Variants in RBBP7 observed in about 807,000 individuals in gnomAD.
The protein encoded by RBBP7 is RB binding protein 7, chromatin remodeling factor.
RBBP7 carries 5 observed loss-of-function variants against 35.2 expected under a neutral mutation model. That is an observed-to-expected ratio of 0.14 (90% CI 0.07 to 0.30). The LOEUF (loss-of-function observed/expected upper bound fraction) is 0.30. Ranked by LOEUF, RBBP7 falls within the 10% of genes least tolerant of loss-of-function variation. The pLI, the probability that RBBP7 is intolerant of heterozygous loss-of-function variation, is 1.00. For synonymous variants in RBBP7, 140 were observed against 118.7 expected (o/e 1.18, Z -1.17); for missense variants, 155 against 327.5 (o/e 0.47, Z 4.07).
At position 16,870,246 on chromosome X, in the gene RBBP7, G is replaced by T. The variant is rs1022333695; in HGVS notation, c.-193C>A. 6 of 552,076 alleles carry T rather than the reference G, an allele frequency of 1.1e-5. No homozygotes were observed. The Admixed American group carries it at 4.6e-4, about 43-fold the overall frequency. 45.5% of individuals were successfully genotyped at this position (552,076 alleles called of 1,213,427 possible). A position where few individuals can be genotyped will look rare whatever the true frequency, so the allele number is the denominator to read the frequency against. The stretch of plus-strand genomic sequence containing the variant: ...TTTCCTGCCTCCTCCCCGCTCGCGG[G>T]TACCGAGGTCTGAGGCGCTCTTCTC... On this transcript the variant is annotated 5_prime_UTR_variant, in exon 1 of 12. Transcript: ENST00000380087.
intron 6 of RBBP7, 131 bp from the exon 7 acceptor site, chrX:16,853,006 C>G: frequency 9.5e-7 from 1 of 1,048,724 alleles, no homozygotes. Context: ...AACCACACAG[C>G]TGGTGATTCA....
chrX:16,863,087 C>T lies in RBBP7; in HGVS notation c.175G>A (p.Asp59Asn). 3.3e-6 allele frequency: 4 copies of T among 1,209,557 alleles called. No individual in the cohort carries two copies. Among genetic ancestry groups the T allele is most frequent in the Non-Finnish European group, 4.5e-6 (4 of 893,918 alleles). The change falls in exon 3 of 12, where the codon GAT (aspartate) becomes AAT (asparagine). Residue 59 changes from aspartate (D) to asparagine (N), a missense_variant. By Grantham distance (23) the Asp-to-Asn change is conservative. Coordinates refer to ENST00000380087, the MANE Select transcript of RBBP7 (RefSeq NM_002893.4). ...AGCACTAGCCAATGAAGGGCATAAT[C>T]TTTTCCTTCAGGTCTGTTTAAGAAA... Reference protein sequence around the residue: ...LPEVTKPEGKDYALHWLVLGT... With the variant: ...LPEVTKPEGKNYALHWLVLGT...
intron 2 of RBBP7, among the ~76,000 whole-genome samples, chrX:16,864,638 TAGGTGGTCTTTATATGTATGTAGGGGGCA>T (rs2147527539): frequency 9.1e-6 from 1 of 110,353 alleles, no homozygotes; most frequent in Admixed American, 9.6e-5. Flanking sequence ...AATTCCATCT[TAGGTGGTCTTTATATGTATGTAGGGGGCA>T]ATGCACATGA....
chrX:16,866,019 T>C (rs1453891270), intron 2 of RBBP7, among the ~76,000 whole-genome samples: 1 of 111,770 alleles, frequency 8.9e-6, no homozygotes, highest in East Asian at 2.8e-4. Context: ...AAGGATGGGT[T>C]AGGAAATTGA....
intron 2 of RBBP7, 76 bp downstream of exon 2, chrX:16,869,000 G>A (rs1015287326): frequency 1.5e-5 from 16 of 1,075,115 alleles, no homozygotes; most frequent in Admixed American, 1.4e-4. Flanking sequence ...TATGTTCTAT[G>A]CATAAAACGC....
Position 16,845,930 on chromosome X carries a change from A to G in RBBP7, c.1107T>C (p.His369=). 8.3e-7 allele frequency: 1 copy of G among 1,208,828 alleles called. No homozygotes were observed. Among genetic ancestry groups the G allele is most frequent in the Admixed American group, 2.2e-5 (1 of 45,455 alleles). The part of the protein sequence containing the change: ...EDGPPELLFI[H]GGHTAKISDF... Reference sequence around the variant, plus strand: ...CTGAAATCTTAGCAGTGTGTCCTCCATGAATAAACTGTTACAAGAACAAAA... The same window carrying G: ...CTGAAATCTTAGCAGTGTGTCCTCCGTGAATAAACTGTTACAAGAACAAAA... The change falls in exon 11 of 12, where the codon CAT becomes CAC. Residue 369 remains histidine (H), a synonymous_variant. Transcript: ENST00000380087.
At chrX:16,857,821 C>T (rs1216922005) in intron 4 of RBBP7, 112 bp from the exon 5 acceptor site, 2 of 1,046,757 alleles carry the variant, frequency 1.9e-6, no homozygotes, top group East Asian at 6.9e-5. Context: ...CGAACGAGAT[C>T]TGGTCTTTAA....
intron 3 of RBBP7, among the ~76,000 whole-genome samples, chrX:16,859,907 G>C (rs184831538): frequency 1.3e-3 from 150 of 111,182 alleles, no homozygotes; most frequent in African/African-American, 3.5e-3. Flanking sequence ...CTTAATATCA[G>C]TATCTAGCCG....
intron 2 of RBBP7, 41 bp from the exon 3 acceptor site, chrX:16,863,141 A>G: frequency 8.7e-7 from 1 of 1,147,608 alleles, no homozygotes; most frequent in South Asian, 1.9e-5. Flanking sequence ...TCCTACAAGA[A>G]ATCTCCAATT....
intron 10 of RBBP7, chrX:16,847,261 A>G (rs1930103007): frequency 9.0e-6 from 1 of 110,783 alleles, no homozygotes; most frequent in Non-Finnish European, 1.9e-5. Context: ...TCACGAGGTC[A>G]AGAGATCAAG....
At chrX:16,862,345 A>T (rs1930497678) in intron 3 of RBBP7, among the ~76,000 whole-genome samples, 1 of 111,449 alleles carries the variant, frequency 9.0e-6, no homozygotes, top group African/African-American at 3.3e-5. Flanking sequence ...AATTAAAAAA[A>T]GAAAAAAGCA....
intron 11 of RBBP7, 85 bp downstream of exon 11, chrX:16,845,743 A>T: frequency 8.9e-7 from 1 of 1,119,083 alleles, no homozygotes; most frequent in South Asian, 2.4e-5. Context: ...ATGCACCTAC[A>T]TATTCGAAAT....
At chrX:16,856,650 A>G (rs1930361767) in intron 5 of RBBP7, among the ~76,000 whole-genome samples, 1 of 111,956 alleles carries the variant, frequency 8.9e-6, no homozygotes, top group African/African-American at 3.2e-5. Flanking sequence ...GGATAGCTAT[A>G]ATAAAAAAGA....
intron 9 of RBBP7, 127 bp downstream of exon 9, chrX:16,851,919 G>T: frequency 2.0e-6 from 1 of 498,142 alleles, no homozygotes. Flanking sequence ...AAGATGCTTA[G>T]AAGTTTCTTT....
intron 3 of RBBP7, among the ~76,000 whole-genome samples, chrX:16,861,697 G>A (rs1353988900): frequency 9.0e-6 from 1 of 111,568 alleles, no homozygotes; most frequent in Non-Finnish European, 1.9e-5. Flanking sequence ...ATTAGAAAGT[G>A]CTAATAGCGT....
chrX:16,863,358 G>A (rs1040598578), intron 2 of RBBP7, among the ~76,000 whole-genome samples: 1 of 111,551 alleles, frequency 9.0e-6, no homozygotes, highest in Non-Finnish European at 1.9e-5. Context: ...AATTATCAGC[G>A]TGAACACTAC....
chrX:16,869,828 C>T (rs1369416504), intron 1 of RBBP7: 1 of 891,911 alleles, frequency 1.1e-6, no homozygotes, highest in Non-Finnish European at 1.4e-6. Context: ...GCCCAGCCCT[C>T]GGCCCCGCGC....
At chrX:16,846,158 C>T in intron 10 of RBBP7, 1 of 402,590 alleles carries the variant, frequency 2.5e-6, no homozygotes, top group Non-Finnish European at 3.7e-6. Flanking sequence ...ACCTGTATAC[C>T]CTTTACCTAG....
chrX:16,857,496 A>C, intron 5 of RBBP7, 98 bp downstream of exon 5: 1 of 1,137,565 alleles, frequency 8.8e-7, no homozygotes, highest in Non-Finnish European at 1.2e-6. Context: ...CAGCAGTATT[A>C]TCTTAGAAAA....
Sources: allele counts gnomAD v4.1 joint callset (sites outside exome capture counted in the v4.1 genomes callset), GRCh38; gene constraint gnomAD v4.1.1; transcripts MANE v1.5; gene names NCBI Gene and HGNC (gene_info 2026-07-23, HGNC 2026-07-21).